AUTS2: variants seen among roughly 807,000 people sequenced by gnomAD.
AUTS2 encodes the protein autism susceptibility gene 2 protein.
In AUTS2, 17 loss-of-function variants were observed where a neutral mutation model predicts 112.4. That is an observed-to-expected ratio of 0.15 (90% confidence interval 0.10 to 0.23). AUTS2 has a LOEUF of 0.23. AUTS2 is among the 10% of genes least tolerant of loss of function. AUTS2 has a pLI of 1.00. For synonymous variants in AUTS2, 751 were observed against 702.7 expected (o/e 1.07, Z -1.09); for missense variants, 1,510 against 1,701.6 (o/e 0.89, Z 1.98).
rs201084858 is a variant in AUTS2 at position 70,593,628 on chromosome 7, A to G, written c.691-104941A>G. 3.9e-3 allele frequency among the ~76,000 whole-genome samples: 590 copies of G among 152,350 alleles called. 6 individuals are homozygous for G. Among genetic ancestry groups the G allele is most frequent in the African/African-American group, 0.014 (569 of 41,580 alleles). On this transcript the variant is annotated intron_variant, in intron 5 of 18. Coordinates refer to ENST00000342771, the MANE Select transcript of AUTS2 (RefSeq NM_015570.4). ...TAATGAATGGAGATGATAAGGGGTC[A>G]CCAAGCCCTATATATTTATAGTGCT...
chr7:69,947,791 G>A (rs568392030), intron 2 of AUTS2, among the ~76,000 whole-genome samples: 2 of 152,270 alleles, frequency 1.3e-5, no homozygotes, highest in South Asian at 4.1e-4. Context: ...GTGAATCTGT[G>A]CTAGGCTTTG....
chr7:70,108,173 A>T (rs901163901), intron 2 of AUTS2, among the ~76,000 whole-genome samples: 1 of 152,056 alleles, frequency 6.6e-6, no homozygotes. Flanking sequence ...TCTTGATGAG[A>T]TTTTAATTTT....
chr7:70,631,736 G>A lies in AUTS2; in HGVS notation c.691-66833G>A, dbSNP rs996679421. Among the ~76,000 whole-genome samples, 1 of 152,144 alleles carries A rather than the reference G, an allele frequency of 6.6e-6. No individual in the cohort carries two copies. The highest frequency in any genetic ancestry group is 1.5e-5 in the Non-Finnish European group (1 of 68,022). ...CCTTAGCCTTTGCACGGTTGGCTGG[G>A]CCACAGCAAGGGGCTCAGCAGCAAA... On this transcript the variant is annotated intron_variant, in intron 5 of 18. Transcript: ENST00000342771. The surrounding 1 kb of genome is among the most constrained non-coding windows in gnomAD (Gnocchi z 4.5).
At chr7:70,614,790 C>T (rs549465721) in intron 5 of AUTS2, among the ~76,000 whole-genome samples, 1 of 152,226 alleles carries the variant, frequency 6.6e-6, no homozygotes, top group Non-Finnish European at 1.5e-5. Context: ...CAGCCTCCCC[C>T]CTGGGGAGAA....
intron 4 of AUTS2, among the ~76,000 whole-genome samples, chr7:70,218,558 A>C (rs145210461): frequency 1.3e-5 from 2 of 152,138 alleles, no homozygotes; most frequent in Non-Finnish European, 2.9e-5. Flanking sequence ...TAATTATGCT[A>C]ATTTTCCAAC....
intron 2 of AUTS2, among the ~76,000 whole-genome samples, chr7:70,105,082 T>C (rs991394477): frequency 1.3e-5 from 2 of 152,250 alleles, no homozygotes; most frequent in African/African-American, 4.8e-5. Flanking sequence ...TGTTGATGGC[T>C]ATACAGACTA....
chr7:69,773,340 G>A lies in AUTS2; in HGVS notation c.310-125946G>A, dbSNP rs1203906729. 2.0e-5 allele frequency among the ~76,000 whole-genome samples: 3 copies of A among 149,216 alleles called. No individual in the cohort carries two copies. The Admixed American group carries it at 2.1e-4, about 10-fold the overall frequency. ...TCAAGACCAGCCTGGCCAACGTGGCGAAACACAATACATGTATCTGCAAAG... is the reference window on the plus strand; with the variant it reads ...TCAAGACCAGCCTGGCCAACGTGGCAAAACACAATACATGTATCTGCAAAG... On this transcript the variant is annotated intron_variant, in intron 1 of 18. Transcript: ENST00000342771.
chr7:69,632,607 CCCCTCTT>C (rs1402898624), intron 1 of AUTS2, among the ~76,000 whole-genome samples: 2 of 146,842 alleles, frequency 1.4e-5, no homozygotes, highest in East Asian at 2.1e-4. Flanking sequence ...TCTCCCCTCT[CCCCTCTT>C]CCCTCTCTGT....
intron 1 of AUTS2, among the ~76,000 whole-genome samples, chr7:69,618,089 G>A (rs1793473006): frequency 6.6e-6 from 1 of 152,156 alleles, no homozygotes; most frequent in Non-Finnish European, 1.5e-5. Flanking sequence ...GTGCAGAGAA[G>A]TTAAGTAATT....
intron 2 of AUTS2, among the ~76,000 whole-genome samples, chr7:69,937,338 G>A (rs552873768): frequency 1.3e-5 from 2 of 152,296 alleles, no homozygotes; most frequent in East Asian, 3.9e-4. Context: ...GCCTTTTCCT[G>A]CCGTCGGAAA....
chr7:70,469,116 C>A (rs1797278345), intron 5 of AUTS2, among the ~76,000 whole-genome samples: 1 of 152,202 alleles, frequency 6.6e-6, no homozygotes, highest in Non-Finnish European at 1.5e-5. Context: ...CTCATTCATA[C>A]AGTCAACAAG....
intron 4 of AUTS2, among the ~76,000 whole-genome samples, chr7:70,417,057 C>T (rs1313296372): frequency 1.3e-5 from 2 of 152,140 alleles, no homozygotes; most frequent in Non-Finnish European, 2.9e-5. Flanking sequence ...GGAGAAAGCC[C>T]AGCAGGCCCT....
At chr7:69,796,229 G>A (rs1789834482) in intron 1 of AUTS2, among the ~76,000 whole-genome samples, 1 of 152,182 alleles carries the variant, frequency 6.6e-6, no homozygotes, top group Non-Finnish European at 1.5e-5. Flanking sequence ...GTTGAAAATA[G>A]GGAAGAGGCT....
Position 69,675,588 on chromosome 7 carries a change from C to A in AUTS2, c.309+75626C>A, listed in dbSNP as rs1380818018. On this transcript the variant is annotated intron_variant, in intron 1 of 18. Coordinates refer to ENST00000342771, the MANE Select transcript of AUTS2 (RefSeq NM_015570.4). ...CAGTGGTGTGGTCTCATCTCTGCAA[C>A]CTCTGCCTCCCGGGTTCAAGACATT... Among the ~76,000 whole-genome samples, 3 of 147,712 alleles carry A rather than the reference C, an allele frequency of 2.0e-5. No individual in the cohort carries two copies. In the East Asian group the frequency reaches 6.2e-4, roughly 31 times the overall value.
intron 5 of AUTS2, among the ~76,000 whole-genome samples, chr7:70,492,049 C>T (rs528589928): frequency 2.7e-4 from 41 of 152,260 alleles, no homozygotes; most frequent in Non-Finnish European, 5.0e-4. Context: ...AGGCTGACCA[C>T]GCTGGATTCC....
At chr7:70,297,005 C>CTTT (rs556668116) in intron 4 of AUTS2, among the ~76,000 whole-genome samples, 2 of 118,208 alleles carry the variant, frequency 1.7e-5, no homozygotes, top group African/African-American at 6.3e-5. Flanking sequence ...TAATGCCTGA[C>CTTT]TTTTTTTTTT....
At chr7:70,061,666 C>G (rs1330512702) in intron 2 of AUTS2, among the ~76,000 whole-genome samples, 1 of 152,038 alleles carries the variant, frequency 6.6e-6, no homozygotes, top group Admixed American at 6.6e-5. Flanking sequence ...ACATGAGATA[C>G]TTAATAACTT....
At position 70,762,851 on chromosome 7, in the gene AUTS2, T is replaced by A. The variant is rs1301014721; in HGVS notation, c.743-19T>A. ...GCATGTCATTGCCTGTGGTTTTGTC[T>A]TTGCTCTCTCCCATGCAGATCCGGA... On this transcript the variant is annotated intron_variant, in intron 6 of 18. Coordinates refer to ENST00000342771, the MANE Select transcript of AUTS2 (RefSeq NM_015570.4). 1 of 1,580,482 alleles carries A rather than the reference T, an allele frequency of 6.3e-7. No individual in the cohort carries two copies.
At chr7:69,709,800 A>G (rs987473485) in intron 1 of AUTS2, among the ~76,000 whole-genome samples, 2 of 152,164 alleles carry the variant, frequency 1.3e-5, no homozygotes, top group African/African-American at 4.8e-5. Context: ...GAATGAGGCA[A>G]AATGCCCTCC....
Sources: allele counts gnomAD v4.1 joint callset (sites outside exome capture counted in the v4.1 genomes callset), GRCh38; gene constraint gnomAD v4.1.1; non-coding constraint Gnocchi (gnomAD v3.1); transcripts MANE v1.5; gene names NCBI Gene and HGNC (gene_info 2026-07-23, HGNC 2026-07-21).